The following SRRM4 variants were observed in gnomAD, a reference collection of about 807,000 sequenced individuals.
SRRM4 encodes serine/arginine repetitive matrix protein 4.
A neutral mutation model predicts 68.9 loss-of-function variants in SRRM4; 33 were observed. That is an observed-to-expected ratio of 0.48 (90% CI 0.36 to 0.64). The LOEUF (loss-of-function observed/expected upper bound fraction) is 0.64, where lower values mean the gene tolerates loss of function less well. Ranked by LOEUF, SRRM4 falls within the 30% of genes least tolerant of loss-of-function variation. SRRM4 has a pLI of 0.00. For missense variants in SRRM4, 817 were observed against 827.1 expected (o/e 0.99, Z 0.15); for synonymous variants, 318 against 318.8 (o/e 1.00, Z 0.03).
chr12:119,038,507 G>A (rs762617359), intron 1 of SRRM4, among the ~76,000 whole-genome samples: 36 of 152,242 alleles, frequency 2.4e-4, no homozygotes, highest in Non-Finnish European at 4.3e-4. Flanking sequence ...CACCGCACCC[G>A]GCCGAAATTA....
chr12:119,065,364 G>C (rs551986578), intron 1 of SRRM4, among the ~76,000 whole-genome samples: 1 of 152,270 alleles, frequency 6.6e-6, no homozygotes, highest in African/African-American at 2.4e-5. Flanking sequence ...TTGAATACCA[G>C]GCCCACTTGA....
At chr12:119,118,569 C>A (rs1954196506) in intron 4 of SRRM4, among the ~76,000 whole-genome samples, 1 of 152,214 alleles carries the variant, frequency 6.6e-6, no homozygotes, top group African/African-American at 2.4e-5. Context: ...AAGGCATGGG[C>A]AAACTAATTA....
intron 8 of SRRM4, among the ~76,000 whole-genome samples, chr12:119,135,156 T>C (rs4441078): frequency 0.69 from 104,160 of 151,938 alleles, 35,847 homozygotes; most frequent in South Asian, 0.74. Context: ...ACCCTGATAG[T>C]TGGCATGGAG....
intron 8 of SRRM4, 27 bp downstream of exon 8, chr12:119,130,861 C>A: frequency 6.3e-7 from 1 of 1,592,696 alleles, no homozygotes; most frequent in African/African-American, 1.3e-5. Context: ...GCCTCCTCTG[C>A]CAGCCTTGGC....
At chr12:119,002,963 C>T (rs1056722792) in intron 1 of SRRM4, among the ~76,000 whole-genome samples, 1 of 150,458 alleles carries the variant, frequency 6.6e-6, no homozygotes, top group Non-Finnish European at 1.5e-5. Context: ...CGCAACCACC[C>T]TTTAAGGCGG....
At chr12:119,113,507 G>T (rs951719982) in intron 2 of SRRM4, among the ~76,000 whole-genome samples, 40 of 152,168 alleles carry the variant, frequency 2.6e-4, no homozygotes, top group African/African-American at 8.0e-4. Flanking sequence ...CATAACAAGC[G>T]CATAAATGCT....
chr12:119,030,155 A>T (rs1953579097), intron 1 of SRRM4, among the ~76,000 whole-genome samples: 1 of 152,226 alleles, frequency 6.6e-6, no homozygotes, highest in African/African-American at 2.4e-5. Flanking sequence ...CTTTCAGCAC[A>T]CATGTTTTCC....
At chr12:119,094,214 A>T (rs1243476317) in intron 1 of SRRM4, among the ~76,000 whole-genome samples, 1 of 152,076 alleles carries the variant, frequency 6.6e-6, no homozygotes, top group Non-Finnish European at 1.5e-5. Context: ...GCCTGTGGAG[A>T]GGGAGTGGTG....
At chr12:119,073,093 G>GAAA (rs11383655) in intron 1 of SRRM4, among the ~76,000 whole-genome samples, 27 of 147,884 alleles carry the variant, frequency 1.8e-4, no homozygotes, top group Admixed American at 8.1e-4. Context: ...ACATGAAAAG[G>GAAA]AAAAAAAAAA....
intron 7 of SRRM4, among the ~76,000 whole-genome samples, chr12:119,128,013 G>A (rs1443961379): frequency 6.6e-6 from 1 of 152,210 alleles, no homozygotes; most frequent in Non-Finnish European, 1.5e-5. Flanking sequence ...TAATCCAGAT[G>A]AGATGAGACC....
At chr12:118,993,228 A>G (rs1249066013) in intron 1 of SRRM4, among the ~76,000 whole-genome samples, 1 of 152,188 alleles carries the variant, frequency 6.6e-6, no homozygotes, top group Non-Finnish European at 1.5e-5. Context: ...GAGGTTGTTC[A>G]CTGAGCAGGG....
At chr12:119,139,011 T>G (rs992838095) in intron 8 of SRRM4, among the ~76,000 whole-genome samples, 7 of 152,140 alleles carry the variant, frequency 4.6e-5, no homozygotes, top group African/African-American at 1.7e-4. Flanking sequence ...GAGTGGCTCT[T>G]GCTAATAAGT....
Position 119,116,184 on chromosome 12 carries a change from G to A in SRRM4, c.366-753G>A, listed in dbSNP as rs903116159. ...GTTTCAACCCTGGTCTTTTGTCAGCGGGGAAATAAGAGACTTAGAGATGAG... is the reference window on the plus strand; with the variant it reads ...GTTTCAACCCTGGTCTTTTGTCAGCAGGGAAATAAGAGACTTAGAGATGAG... On this transcript the variant is annotated intron_variant, in intron 3 of 12. Coordinates refer to ENST00000267260, the MANE Select transcript of SRRM4 (RefSeq NM_194286.4). Among the ~76,000 whole-genome samples, 16 of 152,126 alleles carry A rather than the reference G, an allele frequency of 1.1e-4. 1 individual carries two copies. Among genetic ancestry groups the A allele is most frequent in the African/African-American group, 2.7e-4 (11 of 41,428 alleles).
chr12:118,982,002 G>A lies in SRRM4; in HGVS notation c.120G>A (p.Lys40=). The change falls in exon 1 of 13, where the codon AAG becomes AAA. Residue 40 remains lysine, a synonymous_variant. Transcript: ENST00000267260. ...SIIVASITAR[K]PLPRTEPQNN... is the part of the protein sequence containing the mutation. The stretch of plus-strand genomic sequence containing the variant: ...TTGTCGCCAGTATCACGGCCCGCAA[G>A]CCGCTGCCAAGGTAATGATCTCCTT... 6.2e-7 allele frequency: 1 copy of A among 1,610,274 alleles called. No individual in the cohort carries two copies. The highest frequency in any genetic ancestry group is 8.5e-7 in the Non-Finnish European group (1 of 1,178,430).
chr12:119,121,590 T>C (rs952610311), intron 5 of SRRM4, among the ~76,000 whole-genome samples: 1 of 152,230 alleles, frequency 6.6e-6, no homozygotes, highest in African/African-American at 2.4e-5. Flanking sequence ...TGGGGATCCA[T>C]GGTCTCAGAT....
rs181240974 is a variant in SRRM4, at chr12:119,149,991, G to A, written c.1077-1026G>A. On this transcript the variant is annotated intron_variant, in intron 9 of 12. Coordinates refer to ENST00000267260, the MANE Select transcript of SRRM4 (RefSeq NM_194286.4). The stretch of plus-strand genomic sequence containing the variant: ...ATAATCCTGAAGCCTCTGTCTTTTG[G>A]GAGGTCTCAATTCCTCCAACTGCAA... Among the ~76,000 whole-genome samples the A allele has an allele frequency of 1.2e-3, 184 of 152,128 alleles. 3 individuals are homozygous for A. Among genetic ancestry groups the A allele is most frequent in the South Asian group, 5.0e-3 (24 of 4,808 alleles).
At chr12:119,049,559 C>T (rs370229151) in intron 1 of SRRM4, among the ~76,000 whole-genome samples, 1 of 152,096 alleles carries the variant, frequency 6.6e-6, no homozygotes, top group African/African-American at 2.4e-5. Flanking sequence ...CAGAGAGTAG[C>T]TTTAAGGGAA....
chr12:119,153,710 C>T, intron 11 of SRRM4, 61 bp downstream of exon 11: 1 of 1,250,680 alleles, frequency 8.0e-7, no homozygotes, highest in Non-Finnish European at 1.1e-6. Flanking sequence ...CTCTGATCCT[C>T]CTCTCTGGCC....
intron 1 of SRRM4, among the ~76,000 whole-genome samples, chr12:118,988,385 A>G (rs949545963): frequency 6.6e-6 from 1 of 152,232 alleles, no homozygotes; most frequent in African/African-American, 2.4e-5. Flanking sequence ...GGAATAGTCA[A>G]CGCTAGTGGA....
Sources: gnomAD v4.1 joint callset for allele counts (sites outside exome capture counted in the v4.1 genomes callset) on GRCh38, gnomAD v4.1.1 for gene constraint, MANE v1.5 for transcripts, NCBI Gene and HGNC (gene_info 2026-07-23, HGNC 2026-07-21) for gene names.